ARFGEF2: variants seen among roughly 807,000 people sequenced by gnomAD.
ARFGEF2 encodes ARF guanine nucleotide exchange factor 2.
In ARFGEF2, 74 loss-of-function variants were observed where a neutral mutation model predicts 219.9. That is an observed-to-expected ratio of 0.34 (90% CI 0.28 to 0.41). The LOEUF is 0.41. Among genes scored for constraint, ARFGEF2 ranks in the 10% least tolerant of loss-of-function variants. ARFGEF2 has a pLI of 1.00. For missense variants in ARFGEF2, 1,743 were observed against 2,218.3 expected (o/e 0.79, Z 4.30); for synonymous variants, 733 against 799.2 (o/e 0.92, Z 1.40).
At position 48,947,811 on chromosome 20, in the gene ARFGEF2, G is replaced by A. The variant is rs376000495; in HGVS notation, c.277-3512G>A. The stretch of plus-strand genomic sequence containing the variant: ...GCAGAGGTTGCAATGAGCAGAGATC[G>A]TGCCACTGCACTCCAGCCTGGGTGA... On this transcript the variant is annotated intron_variant, in intron 3 of 38. Transcript: ENST00000371917. 1.5e-4 allele frequency among the ~76,000 whole-genome samples: 23 copies of A among 152,180 alleles called. No homozygotes were observed. In the East Asian group the frequency reaches 1.5e-3, roughly 10 times the overall value.
In ARFGEF2 at chr20:48,952,725, T is replaced by C; in HGVS notation, c.444T>C (p.Thr148=). 1 of 1,614,218 alleles carries C rather than the reference T, an allele frequency of 6.2e-7. No homozygotes were observed. Among genetic ancestry groups the C allele is most frequent in the Non-Finnish European group, 8.5e-7 (1 of 1,180,032 alleles). The change falls in exon 5 of 39, where the codon ACT becomes ACC. Residue 148 remains threonine, a synonymous_variant. Transcript: ENST00000371917. The part of the protein sequence containing the change: ...QIIKALLTAV[T]SPHIEIHEGT... ...TTTAGGCTCTTCTGACTGCAGTGAC[T>C]TCCCCACACATTGAAATTCATGAGG...
At chr20:48,975,529 C>T (rs975091291) in intron 13 of ARFGEF2, among the ~76,000 whole-genome samples, 8 of 152,018 alleles carry the variant, frequency 5.3e-5, no homozygotes, top group South Asian at 2.1e-4. Context: ...AGGCTGGGCA[C>T]GGCAGATCAT....
chr20:48,958,509 T>A (rs2091119002), intron 6 of ARFGEF2, among the ~76,000 whole-genome samples: 1 of 151,516 alleles, frequency 6.6e-6, no homozygotes, highest in Non-Finnish European at 1.5e-5. Context: ...CAATCTCGGC[T>A]CACTGCAAGC....
intron 35 of ARFGEF2, among the ~76,000 whole-genome samples, chr20:49,023,523 GT>G (rs11289917): frequency 0.34 from 32,564 of 96,554 alleles, 3,962 homozygotes; most frequent in East Asian, 0.51. Context: ...TTTTTTTCTG[GT>G]TTTTTTTTTT....
chr20:48,967,945 A>G (rs190108806), intron 8 of ARFGEF2, among the ~76,000 whole-genome samples: 55 of 152,240 alleles, frequency 3.6e-4, no homozygotes, highest in Non-Finnish European at 4.6e-4. Context: ...ATGAATTATG[A>G]GAACTTTTAT....
chr20:49,030,617 GAATT>G lies in ARFGEF2; in HGVS notation c.5064-1421_5064-1418del, dbSNP rs527268824. 1.3e-3 allele frequency among the ~76,000 whole-genome samples: 197 copies of G among 152,020 alleles called. 3 individuals carry two copies. Among genetic ancestry groups the G allele is most frequent in the Middle Eastern group, 6.8e-3 (2 of 294 alleles). On this transcript the variant is annotated intron_variant, in intron 37 of 38. Transcript: ENST00000371917. The stretch of plus-strand genomic sequence containing the variant: ...AATAACAAGTCATAAAGTGAAAAAA[GAATT>G]AATTAATTAAAGGAGGCACCAATGG...
intron 25 of ARFGEF2, among the ~76,000 whole-genome samples, chr20:49,003,324 G>T (rs2091436524): frequency 6.6e-6 from 1 of 151,656 alleles, no homozygotes; most frequent in South Asian, 2.1e-4. Context: ...TAAAACATTG[G>T]CCGGGCACGG....
chr20:49,035,186 T>C lies in ARFGEF2; in HGVS notation c.*1987T>C, dbSNP rs1414376839. ...ATCTTGCGTGCAGCTATATCCCTGATTGGTTATTTTTCCTTTCCTTCTGAG... is the reference window on the plus strand; with the variant it reads ...ATCTTGCGTGCAGCTATATCCCTGACTGGTTATTTTTCCTTTCCTTCTGAG... On this transcript the variant is annotated 3_prime_UTR_variant, in exon 39 of 39. Coordinates refer to ENST00000371917, the MANE Select transcript of ARFGEF2 (RefSeq NM_006420.3). 1.3e-5 allele frequency: 2 copies of C among 152,200 alleles called. No homozygotes were observed. The highest frequency in any genetic ancestry group is 2.9e-5 in the Non-Finnish European group (2 of 68,032). 9.4% of individuals were successfully genotyped at this position (152,200 alleles called of 1,614,324 possible). A position where few individuals can be genotyped will look rare whatever the true frequency, so the allele number is the denominator to read the frequency against.
At chr20:48,954,249 G>C (rs558036370) in intron 6 of ARFGEF2, among the ~76,000 whole-genome samples, 1 of 152,310 alleles carries the variant, frequency 6.6e-6, no homozygotes, top group South Asian at 2.1e-4. Flanking sequence ...CGGATAGACA[G>C]ATGGACAGAT....
At chr20:48,997,265 T>C (rs1347603757) in intron 23 of ARFGEF2, among the ~76,000 whole-genome samples, 1 of 150,830 alleles carries the variant, frequency 6.6e-6, no homozygotes, top group Non-Finnish European at 1.5e-5. Context: ...ATATCTTATG[T>C]ATTGATTGAT....
rs1462891537 is a variant in ARFGEF2 at position 49,032,500 on chromosome 20, TAAAAG to T, written c.5181+336_5181+340del. Among the ~76,000 whole-genome samples the T allele has an allele frequency of 2.2e-4, 34 of 152,266 alleles. 1 individual carries two copies. The East Asian group carries it at 6.4e-3, about 28-fold the overall frequency. On this transcript the variant is annotated intron_variant, in intron 38 of 38. Coordinates refer to ENST00000371917, the MANE Select transcript of ARFGEF2 (RefSeq NM_006420.3). ...TGACCTAGGAACCTGCTTTACAAAA[TAAAAG>T]AGCTGTTGACTTTTGGCAGCAAGAC... is the stretch of plus-strand genomic sequence containing the variant.
At chr20:48,928,587 T>C (rs376165388) in intron 1 of ARFGEF2, among the ~76,000 whole-genome samples, 78 of 141,580 alleles carry the variant, frequency 5.5e-4, no homozygotes, top group Middle Eastern at 4.3e-3. Context: ...CTCTGCCTCC[T>C]GGGTTCACGC....
intron 6 of ARFGEF2, among the ~76,000 whole-genome samples, chr20:48,961,901 G>A (rs1048983652): frequency 5.3e-5 from 8 of 151,562 alleles, no homozygotes; most frequent in Admixed American, 3.3e-4. Context: ...TAAACTAGCC[G>A]GGCGCAGTGG....
intron 23 of ARFGEF2, among the ~76,000 whole-genome samples, chr20:48,997,727 C>T (rs893248019): frequency 3.3e-5 from 5 of 152,180 alleles, no homozygotes; most frequent in African/African-American, 1.2e-4. Context: ...TCTACCTTGT[C>T]TGAGAGTTTG....
intron 3 of ARFGEF2, among the ~76,000 whole-genome samples, chr20:48,948,399 A>G (rs1000241287): frequency 1.3e-5 from 2 of 152,142 alleles, no homozygotes; most frequent in Non-Finnish European, 2.9e-5. Flanking sequence ...AGGCACACAC[A>G]GGGTTATAGT....
At chr20:48,985,770 A>G (rs1398290377) in intron 16 of ARFGEF2, among the ~76,000 whole-genome samples, 157 bp downstream of exon 16, 1 of 152,234 alleles carries the variant, frequency 6.6e-6, no homozygotes, top group Non-Finnish European at 1.5e-5. Context: ...ATTATTTCAC[A>G]TAAGACCTCA....
At chr20:48,974,399 A>C (rs1000852217) in intron 12 of ARFGEF2, among the ~76,000 whole-genome samples, 2 of 152,186 alleles carry the variant, frequency 1.3e-5, no homozygotes, top group African/African-American at 4.8e-5. Context: ...GGCGTGAGCC[A>C]CAGCGCCTGC....
Position 49,033,349 on chromosome 20 carries a change from T to G in ARFGEF2, c.*150T>G. On this transcript the variant is annotated 3_prime_UTR_variant, in exon 39 of 39. Transcript: ENST00000371917. ...AACGGATGGCCTCTACGCTGTTCCA[T>G]CACAGTCTCCAACTAAGGCTTATGG... 1 of 812,296 alleles carries G rather than the reference T, an allele frequency of 1.2e-6. No homozygotes were observed. The highest frequency in any genetic ancestry group is 2.0e-6 in the Non-Finnish European group (1 of 502,418). The allele number at this position is 812,296 out of a possible 1,614,324, so 50.3% of individuals were successfully genotyped here.
intron 5 of ARFGEF2, 150 bp from the exon 6 acceptor site, chr20:48,953,406 G>A (rs1441417373): frequency 6.6e-6 from 5 of 758,312 alleles, no homozygotes; most frequent in South Asian, 2.9e-5. Context: ...GAACTCCTGG[G>A]TTCAAGAATT....
Sources: allele counts gnomAD v4.1 joint callset (sites outside exome capture counted in the v4.1 genomes callset), GRCh38; gene constraint gnomAD v4.1.1; transcripts MANE v1.5; gene names NCBI Gene and HGNC (gene_info 2026-07-23, HGNC 2026-07-21).